The following FSTL5 variants were observed in gnomAD, a reference collection of about 807,000 sequenced individuals.
FSTL5 encodes follistatin like 5, also known as follistatin-related protein 5.
Under a neutral mutation model 89.1 loss-of-function variants are expected in FSTL5, and 62 were observed. That is an observed-to-expected ratio of 0.70 (90% confidence interval 0.57 to 0.86). The LOEUF (loss-of-function observed/expected upper bound fraction) is 0.86. Ranked by LOEUF, FSTL5 falls within the 40% of genes least tolerant of loss-of-function variation. The pLI is 0.00. For missense variants in FSTL5, 1,057 were observed against 1,001.6 expected, an observed-to-expected ratio of 1.06 and a Z score of -0.75; for synonymous variants, 383 against 346.2, an observed-to-expected ratio of 1.11 and a Z score of -1.18.
intron 3 of FSTL5, among the ~76,000 whole-genome samples, chr4:162,027,727 A>G (rs1298333152): frequency 2.7e-4 from 41 of 152,060 alleles, no homozygotes; most frequent in Non-Finnish European, 2.9e-5. Flanking sequence ...AGTCAAGTAT[A>G]AAGTTAAGTA....
rs1180038771 is a variant in FSTL5 at position 161,567,338 on chromosome 4, G to A, written c.1015+20117C>T. ...ACAAGTACACATGCAAATTGCAAAA[G>A]GTGCTTAAAATCTAATTAAGCTATC... is the stretch of plus-strand genomic sequence containing the variant. On this transcript the variant is annotated intron_variant, in intron 8 of 15. Coordinates refer to ENST00000306100, the MANE Select transcript of FSTL5 (RefSeq NM_020116.5). Among the ~76,000 whole-genome samples the A allele has an allele frequency of 2.6e-5, 4 of 151,972 alleles. No individual in the cohort carries two copies. In the East Asian group the frequency reaches 7.7e-4, roughly 29 times the overall value.
chr4:161,879,737 G>C (rs566085058), intron 4 of FSTL5, among the ~76,000 whole-genome samples: 2 of 152,266 alleles, frequency 1.3e-5, no homozygotes, highest in African/African-American at 4.8e-5. Flanking sequence ...GTCTGCTCCA[G>C]TGTCATCTTA....
chr4:162,080,880 A>T (rs1730065262), intron 2 of FSTL5, among the ~76,000 whole-genome samples: 1 of 151,786 alleles, frequency 6.6e-6, no homozygotes, highest in African/African-American at 2.4e-5. Flanking sequence ...GACTAAAAGG[A>T]TTCTAGTGTA....
At chr4:161,566,099 A>AATATATATAT (rs1560956518) in intron 8 of FSTL5, among the ~76,000 whole-genome samples, 12 of 24,644 alleles carry the variant, frequency 4.9e-4, no homozygotes, top group African/African-American at 1.4e-3. Context: ...TTTTTTTTGG[A>AATATATATAT]CTATATATAT....
chr4:161,592,083 G>C (rs1733841479), intron 7 of FSTL5, among the ~76,000 whole-genome samples: 1 of 152,092 alleles, frequency 6.6e-6, no homozygotes, highest in Non-Finnish European at 1.5e-5. Context: ...TACACTACCA[G>C]GTTTGAAGAA....
Position 161,965,281 on chromosome 4 carries a change from G to A in FSTL5, c.161-44629C>T, listed in dbSNP as rs142222640. 2.2e-3 allele frequency among the ~76,000 whole-genome samples: 331 copies of A among 152,128 alleles called. 3 individuals are homozygous for A. Among genetic ancestry groups the A allele is most frequent in the African/African-American group, 7.8e-3 (323 of 41,528 alleles). On this transcript the variant is annotated intron_variant, in intron 3 of 15. Coordinates refer to ENST00000306100, the MANE Select transcript of FSTL5 (RefSeq NM_020116.5). ...CAAGTTATCCAAATTAATAGGACTA[G>A]AGAATGTTTGTACCCCTTCTACATC...
At chr4:161,530,673 C>T (rs1194583633) in intron 10 of FSTL5, among the ~76,000 whole-genome samples, 1 of 151,850 alleles carries the variant, frequency 6.6e-6, no homozygotes, top group Non-Finnish European at 1.5e-5. Context: ...CCGTAAAATT[C>T]TATTATAATA....
chr4:161,726,388 G>A (rs962475834), intron 6 of FSTL5, among the ~76,000 whole-genome samples: 2 of 101,374 alleles, frequency 2.0e-5, no homozygotes, highest in South Asian at 3.1e-4. Context: ...CACCACGCCC[G>A]GCTAATTTTT....
intron 12 of FSTL5, chr4:161,495,414 G>A (rs1578877346): frequency 6.6e-6 from 1 of 152,040 alleles, no homozygotes; most frequent in Non-Finnish European, 1.5e-5. Flanking sequence ...GAATCCATAA[G>A]TCTGAAATAG....
At chr4:161,923,209 C>G (rs914108212) in intron 3 of FSTL5, among the ~76,000 whole-genome samples, 1 of 151,790 alleles carries the variant, frequency 6.6e-6, no homozygotes, top group Non-Finnish European at 1.5e-5. Context: ...CTAGATGGAG[C>G]TTTCTGAATC....
At chr4:162,033,808 T>A (rs529509484) in intron 2 of FSTL5, 150 bp from the exon 3 acceptor site, 2 of 444,218 alleles carry the variant, frequency 4.5e-6, no homozygotes, top group Non-Finnish European at 8.0e-6. Context: ...TTACATATAA[T>A]TTTTTTTTGA....
intron 4 of FSTL5, among the ~76,000 whole-genome samples, chr4:161,819,632 C>A (rs1458886945): frequency 1.3e-5 from 2 of 151,646 alleles, no homozygotes; most frequent in African/African-American, 4.8e-5. Context: ...TCATATGGTT[C>A]TTTAGTTTAA....
chr4:161,806,301 C>T (rs1356134809), intron 4 of FSTL5, among the ~76,000 whole-genome samples: 1 of 152,082 alleles, frequency 6.6e-6, no homozygotes, highest in Non-Finnish European at 1.5e-5. Context: ...AACACCCTTC[C>T]CATTAAGTTA....
At chr4:162,084,466 C>T (rs1395834591) in intron 2 of FSTL5, among the ~76,000 whole-genome samples, 2 of 151,978 alleles carry the variant, frequency 1.3e-5, no homozygotes, top group African/African-American at 2.4e-5. Context: ...TTACAAACTT[C>T]TGCACATGTA....
intron 4 of FSTL5, among the ~76,000 whole-genome samples, chr4:161,826,472 C>T (rs1730672402): frequency 6.6e-6 from 1 of 151,884 alleles, no homozygotes. Context: ...TGTTTACTGC[C>T]GTCAGTGAAG....
At chr4:162,076,662 G>A (rs568535289) in intron 2 of FSTL5, among the ~76,000 whole-genome samples, 89 of 151,846 alleles carry the variant, frequency 5.9e-4, no homozygotes, top group Admixed American at 1.6e-3. Flanking sequence ...ACATTGTGAT[G>A]AGAAAGAATA....
chr4:161,672,246 GTATT>G (rs1397350043), intron 6 of FSTL5, among the ~76,000 whole-genome samples: 2 of 152,100 alleles, frequency 1.3e-5, no homozygotes, highest in African/African-American at 4.8e-5. Context: ...ACCTCCCAGA[GTATT>G]TAGTTTACAA....
intron 6 of FSTL5, among the ~76,000 whole-genome samples, chr4:161,736,282 T>C (rs1739815948): frequency 6.7e-6 from 1 of 149,676 alleles, no homozygotes; most frequent in African/African-American, 2.4e-5. Context: ...TTTATCACCA[T>C]TTTGTTTAAT....
intron 4 of FSTL5, among the ~76,000 whole-genome samples, chr4:161,893,796 G>A (rs2110763726): frequency 6.6e-6 from 1 of 152,196 alleles, no homozygotes; most frequent in South Asian, 2.1e-4. Context: ...TCACCCTTAA[G>A]AATTTTCAGT....
Sources: gnomAD v4.1 joint callset for allele counts (sites outside exome capture counted in the v4.1 genomes callset) on GRCh38, gnomAD v4.1.1 for gene constraint, MANE v1.5 for transcripts, NCBI Gene and HGNC (gene_info 2026-07-23, HGNC 2026-07-21) for gene names.